SLC39A12: variants seen among roughly 807,000 people sequenced by gnomAD.
SLC39A12 encodes solute carrier family 39 member 12, also known as zinc transporter ZIP12.
SLC39A12 carries 63 observed loss-of-function variants against 71.1 expected under a neutral mutation model. That is an observed-to-expected ratio of 0.89 (90% CI 0.72 to 1.09). The LOEUF (loss-of-function observed/expected upper bound fraction) is 1.09. SLC39A12 is among the 50% of genes least tolerant of loss of function. The probability of loss-of-function intolerance (pLI) is 0.00; values close to 1 mark genes in which losing one functional copy is unlikely to be tolerated. For synonymous variants in SLC39A12, 351 were observed against 301.3 expected, an observed-to-expected ratio of 1.16 and a Z score of -1.71; for missense variants, 892 against 812.6, an observed-to-expected ratio of 1.10 and a Z score of -1.19.
intron 12 of SLC39A12, among the ~76,000 whole-genome samples, chr10:18,038,625 C>G (rs955629904): frequency 2.0e-5 from 3 of 151,682 alleles, no homozygotes; most frequent in Non-Finnish European, 2.9e-5. Context: ...GCACTCCAGC[C>G]TGGGCCACAA....
intron 3 of SLC39A12, among the ~76,000 whole-genome samples, chr10:17,964,773 G>A (rs1005347428): frequency 6.6e-6 from 1 of 152,230 alleles, no homozygotes; most frequent in Non-Finnish European, 1.5e-5. Context: ...CAGAGCCTGT[G>A]TGAAGTCAGG....
chr10:18,001,244 G>A lies in SLC39A12; in HGVS notation c.1759+419G>A, dbSNP rs1041726985. On this transcript the variant is annotated intron_variant, in intron 11 of 12. Coordinates refer to ENST00000377369, the MANE Select transcript of SLC39A12 (RefSeq NM_001145195.2). The stretch of plus-strand genomic sequence containing the variant: ...TTTAAATTAAAACCGGCCGGGCGCA[G>A]TGGCTCACACCTGTAATCCCAGCAC... Among the ~76,000 whole-genome samples the A allele has an allele frequency of 4.6e-5, 7 of 152,370 alleles. No homozygotes were observed. In the East Asian group the frequency reaches 1.3e-3, roughly 29 times the overall value.
intron 1 of SLC39A12, 112 bp downstream of exon 1, chr10:17,952,137 C>T (rs1371806768): frequency 6.6e-6 from 1 of 152,176 alleles, no homozygotes; most frequent in Admixed American, 6.5e-5. Context: ...AATCCCAGTA[C>T]CTTTGTTACT....
At chr10:17,981,543 A>T in intron 6 of SLC39A12, 60 bp downstream of exon 6, 1 of 1,384,206 alleles carries the variant, frequency 7.2e-7, no homozygotes, top group Non-Finnish European at 9.9e-7. Flanking sequence ...TAATAATAGT[A>T]AATGCAGGAT....
Position 17,953,355 on chromosome 10 carries a change from G to T in SLC39A12, c.79G>T (p.Asp27Tyr), listed in dbSNP as rs1834453522. 6.2e-7 allele frequency: 1 copy of T among 1,614,120 alleles called. No homozygotes were observed. Among genetic ancestry groups the T allele is most frequent in the East Asian group, 2.2e-5 (1 of 44,878 alleles). ...CAGCCGTGTTTTTTCTACTGAGACA[G>T]ACAAACCCTCAGCCCAGGATAGCAG... ...LLSRVFSTETDKPSAQDSRSR... is the reference protein window; with the variant it reads ...LLSRVFSTETYKPSAQDSRSR... Residue 27 changes from aspartate (D) to tyrosine (Y), a missense_variant, in exon 2 of 13, where the codon GAC becomes TAC. Asp to Tyr is a radical substitution (Grantham distance 160). Coordinates refer to ENST00000377369, the MANE Select transcript of SLC39A12 (RefSeq NM_001145195.2).
At chr10:17,987,787 T>C in intron 7 of SLC39A12, 136 bp downstream of exon 7, 2 of 910,900 alleles carry the variant, frequency 2.2e-6, no homozygotes, top group Non-Finnish European at 3.3e-6. Flanking sequence ...TAAAAAGAAA[T>C]ATTATTTCCC....
In SLC39A12 at chr10:17,993,169, A is replaced by G; in HGVS notation, c.1423-12A>G. The G allele has an allele frequency of 3.2e-6, 5 of 1,541,988 alleles. No homozygotes were observed. Among genetic ancestry groups the G allele is most frequent in the Non-Finnish European group, 4.4e-6 (5 of 1,139,064 alleles). On this transcript the variant is annotated splice_polypyrimidine_tract_variant and intron_variant, in intron 8 of 12. Coordinates refer to ENST00000377369, the MANE Select transcript of SLC39A12 (RefSeq NM_001145195.2). ...CTGGCTTCAACACTAATTTTAAACC[A>G]TCCTCATCCAGCAGGGCCTGTCATT...
chr10:17,977,252 A>G (rs1835133444), intron 4 of SLC39A12, among the ~76,000 whole-genome samples: 1 of 151,390 alleles, frequency 6.6e-6, no homozygotes, highest in Non-Finnish European at 1.5e-5. Context: ...CTTAAACATA[A>G]TATTTCCTTT....
chr10:18,043,042 G>C lies in SLC39A12; in HGVS notation c.*209G>C. ...TGTCCTTAATTGAAATTTTGTCTTTGGTTTCCAACACCATGATGAAGCTCT... is the reference window on the plus strand; with the variant it reads ...TGTCCTTAATTGAAATTTTGTCTTTCGTTTCCAACACCATGATGAAGCTCT... On this transcript the variant is annotated 3_prime_UTR_variant, in exon 13 of 13. Coordinates refer to ENST00000377369, the MANE Select transcript of SLC39A12 (RefSeq NM_001145195.2). The C allele has an allele frequency of 3.4e-6, 1 of 291,494 alleles. No homozygotes were observed. The highest frequency in any genetic ancestry group is 6.3e-5 in the East Asian group (1 of 15,804). 18.1% of individuals were successfully genotyped at this position (291,494 alleles called of 1,614,324 possible).
chr10:17,988,802 A>G (rs1170029104), intron 7 of SLC39A12, among the ~76,000 whole-genome samples: 1 of 152,158 alleles, frequency 6.6e-6, no homozygotes, highest in African/African-American at 2.4e-5. Context: ...TCTCCAGTGG[A>G]CAGCTTCCCC....
At chr10:18,040,614 A>T (rs1253568316) in intron 12 of SLC39A12, among the ~76,000 whole-genome samples, 1 of 151,990 alleles carries the variant, frequency 6.6e-6, no homozygotes, top group Non-Finnish European at 1.5e-5. Flanking sequence ...TACTAAAAAT[A>T]CAAAATTAGC....
chr10:17,999,068 G>A (rs557515242), intron 10 of SLC39A12, among the ~76,000 whole-genome samples: 6 of 152,058 alleles, frequency 3.9e-5, no homozygotes, highest in East Asian at 3.9e-4. Context: ...AGGCCGAGGC[G>A]GGTGGATCAC....
At position 17,987,580 on chromosome 10, in the gene SLC39A12, A is replaced by G. The variant is rs1410972688; in HGVS notation, c.1198A>G (p.Ile400Val). ...TAGCTGTGAGGAGAACTACAGGCTT[A>G]TCTTACAGCTGTTTGTGGGCTTGGC... The part of the protein sequence containing the change: ...FHSCEENYRL[I>V]LQLFVGLAVG... The change falls in exon 7 of 13, where the codon ATC becomes GTC. Residue 400 changes from isoleucine to valine, a missense_variant. Physicochemically the swap from Ile to Val is conservative, Grantham distance 29. Coordinates refer to ENST00000377369, the MANE Select transcript of SLC39A12 (RefSeq NM_001145195.2). 1 of 1,614,108 alleles carries G rather than the reference A, an allele frequency of 6.2e-7. No individual in the cohort carries two copies. The highest frequency in any genetic ancestry group is 1.1e-5 in the South Asian group (1 of 91,076).
chr10:17,954,371 A>G (rs1834485431), intron 2 of SLC39A12, among the ~76,000 whole-genome samples: 1 of 152,160 alleles, frequency 6.6e-6, no homozygotes, highest in African/African-American at 2.4e-5. Flanking sequence ...CTCCTGCCTC[A>G]GCCTCCCAAG....
intron 12 of SLC39A12, among the ~76,000 whole-genome samples, chr10:18,007,928 T>A (rs564887103): frequency 6.6e-6 from 1 of 152,338 alleles, no homozygotes; most frequent in South Asian, 2.1e-4. Flanking sequence ...TGCAGCCCAG[T>A]AGGCCTCAGC....
chr10:17,989,358 A>C (rs763954347), intron 7 of SLC39A12, among the ~76,000 whole-genome samples: 1 of 152,248 alleles, frequency 6.6e-6, no homozygotes, highest in African/African-American at 2.4e-5. Flanking sequence ...CTCATAATCT[A>C]ATATCCTGGA....
chr10:17,983,032 T>TA (rs1835302219), intron 6 of SLC39A12, among the ~76,000 whole-genome samples: 1 of 148,876 alleles, frequency 6.7e-6, no homozygotes, highest in African/African-American at 2.5e-5. Context: ...CTACTAAAAA[T>TA]TAAAAATTAA....
intron 12 of SLC39A12, among the ~76,000 whole-genome samples, chr10:18,026,243 CAACA>C (rs1335116531): frequency 1.3e-5 from 2 of 152,106 alleles, no homozygotes; most frequent in African/African-American, 4.8e-5. Context: ...TGGCTACTGG[CAACA>C]AACAAATTCC....
intron 12 of SLC39A12, among the ~76,000 whole-genome samples, chr10:18,005,044 G>A (rs1205467029): frequency 1.4e-5 from 2 of 142,168 alleles, no homozygotes; most frequent in Non-Finnish European, 3.1e-5. Flanking sequence ...TGGACATAGG[G>A]ACGGGAACAA....
Sources: allele counts gnomAD v4.1 joint callset (sites outside exome capture counted in the v4.1 genomes callset), GRCh38; gene constraint gnomAD v4.1.1; transcripts MANE v1.5; gene names NCBI Gene and HGNC (gene_info 2026-07-23, HGNC 2026-07-21).